The following AFDN variants were observed in gnomAD, a reference collection of about 807,000 sequenced individuals.
AFDN encodes the protein afadin, adherens junction formation factor.
AFDN carries 68 observed loss-of-function variants against 216.6 expected under a neutral mutation model. That is an observed-to-expected ratio of 0.31 (90% CI 0.26 to 0.38). The LOEUF (loss-of-function observed/expected upper bound fraction) is 0.38, where lower values mean the gene tolerates loss of function less well. AFDN is among the 10% of genes least tolerant of loss of function. The probability of loss-of-function intolerance (pLI) is 1.00; values close to 1 mark genes in which losing one functional copy is unlikely to be tolerated. For missense variants in AFDN, 2,136 were observed against 2,342.0 expected (o/e 0.91, Z 1.82); for synonymous variants, 868 against 853.7 (o/e 1.02, Z -0.29).
intron 1 of AFDN, among the ~76,000 whole-genome samples, chr6:167,844,766 C>T (rs1781451497): frequency 6.6e-6 from 1 of 151,684 alleles, no homozygotes; most frequent in Non-Finnish European, 1.5e-5. Flanking sequence ...ACTTTTCAGT[C>T]TGACAGGTAA....
chr6:167,921,899 A>G (rs1358553606), intron 21 of AFDN, among the ~76,000 whole-genome samples: 1 of 152,150 alleles, frequency 6.6e-6, no homozygotes, highest in Non-Finnish European at 1.5e-5. Context: ...TAAATAACCT[A>G]ATTGTCCACA....
rs146248897 is a variant in AFDN, at chr6:167,962,883, C to T, written c.4968+316C>T. On this transcript the variant is annotated intron_variant, in intron 31 of 33. Coordinates refer to ENST00000683244, the MANE Select transcript of AFDN (RefSeq NM_001386888.1). This position sits in a 1 kb window ranked among gnomAD's most constrained non-coding sequence, Gnocchi z 5.2. ...GGGCACTCATCTTTACTGAACATGG[C>T]CCAGCTTGTCATTGTGAAGGTGACA... 1.9e-4 allele frequency: 229 copies of T among 1,177,220 alleles called. 7 individuals carry two copies. In the East Asian group the frequency reaches 8.0e-3, roughly 41 times the overall value. 72.9% of individuals were successfully genotyped at this position (1,177,220 alleles called of 1,614,324 possible).
chr6:167,932,948 C>T (rs1793502250), intron 23 of AFDN, among the ~76,000 whole-genome samples: 1 of 152,130 alleles, frequency 6.6e-6, no homozygotes, highest in South Asian at 2.1e-4. Flanking sequence ...GCTGCAAATT[C>T]TTAAGCTTCA....
intron 1 of AFDN, among the ~76,000 whole-genome samples, chr6:167,828,539 T>A (rs1779469854): frequency 6.6e-6 from 1 of 152,260 alleles, no homozygotes; most frequent in Admixed American, 6.5e-5. Flanking sequence ...TACTCCTGAT[T>A]CATTCATCTT....
intron 30 of AFDN, among the ~76,000 whole-genome samples, chr6:167,954,932 G>T (rs1233981478): frequency 2.0e-5 from 3 of 152,092 alleles, no homozygotes; most frequent in African/African-American, 7.2e-5. Flanking sequence ...GGTAGAGTAA[G>T]AGATTTCCAG....
At position 167,880,373 on chromosome 6, in the gene AFDN, A is replaced by G. The variant is rs764884238; in HGVS notation, c.753A>G (p.Arg251=). ...ATGTTTTTTCAGGTGGAACATTGAG[A>G]ATTTATGCAGATAGTTTAAAACCAA... ...DGRPDSGGTL[R]IYADSLKPNI... is the part of the protein sequence containing the mutation. The change falls in exon 6 of 34, where the codon AGA becomes AGG. Residue 251 remains arginine, a synonymous_variant. Transcript: ENST00000683244. The G allele has an allele frequency of 2.0e-5, 33 of 1,612,512 alleles. No homozygotes were observed. In the South Asian group the frequency reaches 3.0e-4, roughly 15 times the overall value.
intron 17 of AFDN, 124 bp downstream of exon 17, chr6:167,914,437 C>T (rs2128467487): frequency 2.3e-6 from 3 of 1,316,232 alleles, no homozygotes; most frequent in Non-Finnish European, 3.1e-6. Context: ...TATAAAGAAG[C>T]ATACATTTTT....
Position 167,880,409 on chromosome 6 carries a change from C to T in AFDN, c.789C>T (p.Tyr263=), listed in dbSNP as rs1785963644. ...ATAGTTTAAAACCAAATATTCCCTA[C>T]AAGACAATCCTGCTGTCTACTACAG... ...YADSLKPNIP[Y]KTILLSTTDP... The change falls in exon 6 of 34, where the codon TAC becomes TAT. Residue 263 remains tyrosine (Y), a synonymous_variant. Coordinates refer to ENST00000683244, the MANE Select transcript of AFDN (RefSeq NM_001386888.1). 3 of 1,613,666 alleles carry T rather than the reference C, an allele frequency of 1.9e-6. No homozygotes were observed. Among genetic ancestry groups the T allele is most frequent in the Non-Finnish European group, 1.7e-6 (2 of 1,179,678 alleles).
chr6:167,964,639 T>A (rs1797359977), intron 31 of AFDN: 4 of 1,063,906 alleles, frequency 3.8e-6, no homozygotes, highest in African/African-American at 1.6e-5. Context: ...TGTGTGTGTG[T>A]GTGTGTGTGT....
intron 31 of AFDN, chr6:167,964,903 A>G (rs1218657754): frequency 1.9e-6 from 2 of 1,063,022 alleles, no homozygotes; most frequent in African/African-American, 3.3e-5. Context: ...ATCTTTAACA[A>G]AACTGTGCTG....
intron 29 of AFDN, 142 bp downstream of exon 29, chr6:167,948,620 A>G (rs1021420547): frequency 1.4e-6 from 1 of 715,374 alleles, no homozygotes; most frequent in East Asian, 2.8e-5. Context: ...AAGTTTGAGG[A>G]AAAAAGGAGA....
chr6:167,919,038 C>T, intron 21 of AFDN, 105 bp downstream of exon 21: 1 of 931,438 alleles, frequency 1.1e-6, no homozygotes, highest in Non-Finnish European at 1.7e-6. Context: ...GGAGTGCACC[C>T]TCGTGCTGTC....
At chr6:167,848,016 C>G (rs989561191) in intron 1 of AFDN, among the ~76,000 whole-genome samples, 1 of 151,706 alleles carries the variant, frequency 6.6e-6, no homozygotes, top group African/African-American at 2.4e-5. Context: ...GTACTTGTTC[C>G]CTGGGCTTAG....
intron 18 of AFDN, among the ~76,000 whole-genome samples, 176 bp downstream of exon 18, chr6:167,914,914 T>G (rs1790849502): frequency 6.6e-6 from 1 of 152,210 alleles, no homozygotes; most frequent in Non-Finnish European, 1.5e-5. Context: ...TAGTTCTCAT[T>G]TTGGTGTGTC....
intron 1 of AFDN, among the ~76,000 whole-genome samples, chr6:167,834,580 A>G (rs1394426193): frequency 6.6e-6 from 1 of 150,954 alleles, no homozygotes; most frequent in Non-Finnish European, 1.5e-5. Flanking sequence ...CACCCATGGA[A>G]CGATTCTTTT....
intron 6 of AFDN, among the ~76,000 whole-genome samples, chr6:167,885,257 G>A (rs1023117892): frequency 6.6e-6 from 1 of 152,184 alleles, no homozygotes; most frequent in African/African-American, 2.4e-5. Flanking sequence ...TATGTTCATT[G>A]GAGTAGCACT....
intron 23 of AFDN, among the ~76,000 whole-genome samples, chr6:167,931,230 G>A (rs540029383): frequency 1.3e-5 from 2 of 152,334 alleles, no homozygotes; most frequent in South Asian, 4.1e-4. Context: ...TCAAGAAGAT[G>A]AATCTTGATT....
In AFDN at chr6:167,898,196, G is replaced by A; in HGVS notation, c.1318-9G>A. ...GATGGGAGTTTCTTTGGTTTCCTTC[G>A]GTTTCCAGTTGTTTGGCCCAGGAAT... On this transcript the variant is annotated splice_polypyrimidine_tract_variant and intron_variant, in intron 10 of 33. Coordinates refer to ENST00000683244, the MANE Select transcript of AFDN (RefSeq NM_001386888.1). 6.2e-7 allele frequency: 1 copy of A among 1,611,856 alleles called. No individual in the cohort carries two copies. Among genetic ancestry groups the A allele is most frequent in the Non-Finnish European group, 8.5e-7 (1 of 1,178,330 alleles).
intron 12 of AFDN, among the ~76,000 whole-genome samples, chr6:167,904,210 T>TC (rs202239095): frequency 0.026 from 3,721 of 143,286 alleles, 68 homozygotes; most frequent in Non-Finnish European, 0.034. Context: ...TCTCTCTCTC[T>TC]TTTTTTTTTT....
Sources: gnomAD v4.1 joint callset for allele counts (sites outside exome capture counted in the v4.1 genomes callset) on GRCh38, gnomAD v4.1.1 for gene constraint, Gnocchi (gnomAD v3.1) non-coding constraint, MANE v1.5 for transcripts, NCBI Gene and HGNC (gene_info 2026-07-23, HGNC 2026-07-21) for gene names.